DMD: variants seen among roughly 807,000 people sequenced by gnomAD.
DMD encodes the protein dystrophin.
DMD carries 63 observed loss-of-function variants against 330.1 expected under a neutral mutation model. The observed-to-expected ratio is 0.19, with a 90% confidence interval of 0.16 to 0.24. DMD has a LOEUF of 0.24. DMD is among the 10% of genes least tolerant of loss of function. The pLI, the probability that DMD is intolerant of heterozygous loss-of-function variation, is 1.00. For missense variants in DMD, 3,344 were observed against 2,684.1 expected (o/e 1.25, Z -5.43); for synonymous variants, 1,223 against 959.8 (o/e 1.27, Z -5.07).
intron 7 of DMD, among the ~76,000 whole-genome samples, chrX:32,755,318 A>G (rs1015228184): frequency 1.8e-5 from 2 of 110,945 alleles, no homozygotes; most frequent in Non-Finnish European, 3.8e-5. Context: ...CAGACAAGGA[A>G]AAAAAACACA....
At chrX:33,237,844 G>A (rs1366241522) in intron 1 of DMD, among the ~76,000 whole-genome samples, 3 of 111,819 alleles carry the variant, frequency 2.7e-5, no homozygotes, top group Non-Finnish European at 5.6e-5. Context: ...GAAAAATTTA[G>A]TAATAAAAAC....
intron 44 of DMD, among the ~76,000 whole-genome samples, chrX:32,017,272 G>A (rs747792385): frequency 8.9e-6 from 1 of 111,908 alleles, no homozygotes; most frequent in Non-Finnish European, 1.9e-5. Context: ...CAATAGAAAC[G>A]GATTAAATAT....
chrX:32,496,787 T>A (rs556551084), intron 19 of DMD, among the ~76,000 whole-genome samples: 152 of 112,854 alleles, frequency 1.3e-3, no homozygotes, highest in African/African-American at 4.5e-3. Flanking sequence ...AAACATTTAT[T>A]GAATGTGAAC....
intron 44 of DMD, among the ~76,000 whole-genome samples, chrX:32,193,348 A>G (rs923234773): frequency 8.9e-6 from 1 of 112,429 alleles, no homozygotes; most frequent in South Asian, 3.7e-4. Context: ...TTAAAACAAT[A>G]TTTTGAACAT....
intron 1 of DMD, among the ~76,000 whole-genome samples, chrX:33,152,550 T>G (rs1339629890): frequency 9.1e-6 from 1 of 110,262 alleles, no homozygotes; most frequent in Non-Finnish European, 1.9e-5. Context: ...TTTTTTTTCT[T>G]CAGGATACGT....
chrX:31,414,494 T>C (rs1444310232), intron 60 of DMD, among the ~76,000 whole-genome samples: 5 of 111,960 alleles, frequency 4.5e-5, no homozygotes, highest in African/African-American at 1.6e-4. Context: ...AGAGTAAGGG[T>C]GAAAAATTGT....
At chrX:31,214,930 C>CTTTTTT (rs1302015325) in intron 64 of DMD, among the ~76,000 whole-genome samples, 70 of 46,094 alleles carry the variant, frequency 1.5e-3, no homozygotes, top group South Asian at 4.2e-3. Context: ...TTTTTTATTT[C>CTTTTTT]TTTTTTCTTT....
At chrX:32,346,151 A>G in intron 38 of DMD, 71 bp from the exon 39 acceptor site, 1 of 1,088,395 alleles carries the variant, frequency 9.2e-7, no homozygotes. Context: ...CAGAGATAAT[A>G]AGACATGTTA....
chrX:32,392,452 G>A (rs1009151743), intron 30 of DMD, among the ~76,000 whole-genome samples: 1 of 110,640 alleles, frequency 9.0e-6, no homozygotes, highest in Non-Finnish European at 1.9e-5. Context: ...TAGCGACAGG[G>A]TTTTACCATG....
Position 31,412,206 on chromosome X carries a change from A to AAAGAGAG in DMD, c.9084+32274_9084+32275insCTCTCTT, listed in dbSNP as rs765872095. On this transcript the variant is annotated intron_variant, in intron 60 of 78. Transcript: ENST00000357033. ...TGTCTCAAAAAAAAAAAAAAAAAAA[A>AAAGAGAG]AGAGAGAGAGAGAGTTGATAGGATC... Among the ~76,000 whole-genome samples the AAAGAGAG allele has an allele frequency of 4.1e-3, 385 of 94,154 alleles. 2 individuals are homozygous for AAAGAGAG. Among genetic ancestry groups the AAAGAGAG allele is most frequent in the African/African-American group, 0.016 (353 of 22,545 alleles). The allele number at this position is 94,154 out of a possible 115,157, so 81.8% of individuals were successfully genotyped here. A position where few individuals can be genotyped will look rare whatever the true frequency, so the allele number is the denominator to read the frequency against.
At chrX:31,267,105 GAGAAAGAAAGAA>G (rs72467955) in intron 62 of DMD, among the ~76,000 whole-genome samples, 9 of 105,848 alleles carry the variant, frequency 8.5e-5, no homozygotes, top group East Asian at 2.9e-4. Context: ...AAAAAGAAAA[GAGAAAGAAAGAA>G]AGAAAGAAAG....
chrX:31,553,534 G>A (rs1452959359), intron 55 of DMD, among the ~76,000 whole-genome samples: 1 of 112,305 alleles, frequency 8.9e-6, no homozygotes, highest in Non-Finnish European at 1.9e-5. Flanking sequence ...AAACCAGAAA[G>A]ACTGACTAGA....
chrX:31,244,246 A>G (rs962610303), intron 63 of DMD, among the ~76,000 whole-genome samples: 7 of 112,241 alleles, frequency 6.2e-5, no homozygotes, highest in African/African-American at 2.3e-4. Context: ...TCACCTTGAC[A>G]CCATACATAT....
chrX:33,005,255 T>C (rs2093367861), intron 2 of DMD, among the ~76,000 whole-genome samples: 1 of 94,689 alleles, frequency 1.1e-5, no homozygotes, highest in African/African-American at 3.7e-5. Context: ...GTACAAACTT[T>C]TGGACTTTAC....
At chrX:32,178,830 G>GTGTGTGTGTGTGTGTGTGTGTGT (rs1569549001) in intron 44 of DMD, among the ~76,000 whole-genome samples, 4 of 99,172 alleles carry the variant, frequency 4.0e-5, no homozygotes, top group African/African-American at 1.5e-4. Flanking sequence ...TATTCCAGGG[G>GTGTGTGTGTGTGTGTGTGTGTGT]GTGTGTGTGT....
intron 44 of DMD, among the ~76,000 whole-genome samples, chrX:32,168,901 G>C (rs2096877806): frequency 9.0e-6 from 1 of 111,708 alleles, no homozygotes; most frequent in African/African-American, 3.3e-5. Flanking sequence ...TAAAGCCATA[G>C]TTCGTCTGTC....
intron 47 of DMD, among the ~76,000 whole-genome samples, chrX:31,896,751 C>A (rs2094339942): frequency 9.0e-6 from 1 of 110,802 alleles, no homozygotes; most frequent in African/African-American, 3.3e-5. Flanking sequence ...TTGAAGACCC[C>A]ATCGTTTCTA....
At chrX:31,779,168 C>T (rs953648376) in intron 50 of DMD, among the ~76,000 whole-genome samples, 6 of 111,408 alleles carry the variant, frequency 5.4e-5, no homozygotes, top group African/African-American at 2.0e-4. Context: ...GCTAAGAGTG[C>T]CTGAATCCAT....
chrX:32,862,494 G>A (rs748533912), intron 2 of DMD, among the ~76,000 whole-genome samples: 1 of 111,770 alleles, frequency 8.9e-6, no homozygotes, highest in Admixed American at 9.5e-5. Flanking sequence ...AACATGTTTT[G>A]TAATAAAACT....
Sources: allele counts gnomAD v4.1 joint callset (sites outside exome capture counted in the v4.1 genomes callset), GRCh38; gene constraint gnomAD v4.1.1; transcripts MANE v1.5; gene names NCBI Gene and HGNC (gene_info 2026-07-23, HGNC 2026-07-21).